TTLL7: variants seen among roughly 807,000 people sequenced by gnomAD.
TTLL7 encodes tubulin tyrosine ligase like 7, also known as tubulin polyglutamylase TTLL7.
TTLL7 carries 53 observed loss-of-function variants against 120.2 expected under a neutral mutation model. The ratio of observed to expected loss-of-function variants is 0.44; its 90% confidence interval spans 0.35 to 0.55. The LOEUF (loss-of-function observed/expected upper bound fraction) is 0.55, where lower values mean the gene tolerates loss of function less well. Ranked by LOEUF, TTLL7 falls within the 20% of genes least tolerant of loss-of-function variation. TTLL7 has a pLI of 0.00. For missense variants in TTLL7, 803 were observed against 1,054.7 expected, an observed-to-expected ratio of 0.76 and a Z score of 3.31; for synonymous variants, 353 against 351.7, an observed-to-expected ratio of 1.00 and a Z score of -0.04.
intron 14 of TTLL7, among the ~76,000 whole-genome samples, chr1:83,914,690 A>G (rs1657989379): frequency 6.6e-6 from 1 of 152,110 alleles, no homozygotes; most frequent in African/African-American, 2.4e-5. Context: ...TTCTAATAGC[A>G]CTACCTTTCT....
At chr1:83,889,177 G>A (rs879305954) in intron 19 of TTLL7, among the ~76,000 whole-genome samples, 6 of 151,940 alleles carry the variant, frequency 3.9e-5, no homozygotes, top group African/African-American at 9.7e-5. Flanking sequence ...TTCACATGGC[G>A]GCAGCAAGGA....
At chr1:83,991,531 C>G (rs1367307257) in intron 1 of TTLL7, among the ~76,000 whole-genome samples, 1 of 152,108 alleles carries the variant, frequency 6.6e-6, no homozygotes, top group Admixed American at 6.6e-5. Context: ...GTAGTCCCAG[C>G]TACTCAGGGG....
chr1:83,973,916 G>C (rs1651223421), intron 1 of TTLL7, among the ~76,000 whole-genome samples: 1 of 151,838 alleles, frequency 6.6e-6, no homozygotes, highest in Admixed American at 6.6e-5. Context: ...AGACTTCTGG[G>C]GTGCTGGAAA....
chr1:83,880,854 C>T (rs1654385884), intron 20 of TTLL7, among the ~76,000 whole-genome samples: 2 of 151,878 alleles, frequency 1.3e-5, no homozygotes, highest in African/African-American at 4.8e-5. Flanking sequence ...TACAAGGCTA[C>T]AGTAACCAAA....
chr1:83,947,252 G>A lies in TTLL7; in HGVS notation c.378C>T (p.Thr126=). Residue 126 remains threonine (T), a synonymous_variant, in exon 6 of 21, where the codon ACC becomes ACT. Transcript: ENST00000260505. ...GAAAGATCCAAGTTCGAGGAACAAA[G>A]GTATAATCCAGAGGCCGAGACTTGA... ...KMIKSRPLDY[T]FVPRTWIFPA... is the part of the protein sequence containing the mutation. The A allele has an allele frequency of 1.2e-6, 2 of 1,610,834 alleles. No individual in the cohort carries two copies. Among genetic ancestry groups the A allele is most frequent in the Non-Finnish European group, 1.7e-6 (2 of 1,179,100 alleles).
Position 83,999,040 on chromosome 1 carries a change from C to A in TTLL7, c.-286G>T. 2.2e-6 allele frequency: 1 copy of A among 448,446 alleles called. No individual in the cohort carries two copies. The highest frequency in any genetic ancestry group is 2.0e-5 in the African/African-American group (1 of 49,142). 27.8% of individuals were successfully genotyped at this position (448,446 alleles called of 1,614,324 possible). ...TGGGCGGCCGCCCCGACTCGGCAGC[C>A]TGCACTGGTGGTCCGGTGCTCTCCT... is the stretch of plus-strand genomic sequence containing the variant. On this transcript the variant is annotated 5_prime_UTR_variant, in exon 1 of 21. In the 5' UTR this introduces an upstream ATG that the reference lacks. Transcript: ENST00000260505.
At position 83,986,197 on chromosome 1, in the gene TTLL7, TTG is replaced by T. The variant is rs1557807992; in HGVS notation, c.-177+12732_-177+12733del. Among the ~76,000 whole-genome samples, 4 of 152,226 alleles carry T rather than the reference TTG, an allele frequency of 2.6e-5. No individual in the cohort carries two copies. The South Asian group carries it at 8.3e-4, about 31-fold the overall frequency. Reference sequence around the variant, plus strand: ...GAATCTAACAATATTTGTGGATATATTGTGTGTGTACCTAATGTGTGTATATG... The same window carrying T: ...GAATCTAACAATATTTGTGGATATATTGTGTGTACCTAATGTGTGTATATG... On this transcript the variant is annotated intron_variant, in intron 1 of 20. Coordinates refer to ENST00000260505, the MANE Select transcript of TTLL7 (RefSeq NM_024686.6).
intron 9 of TTLL7, among the ~76,000 whole-genome samples, chr1:83,933,137 G>T (rs967006962): frequency 2.6e-5 from 4 of 152,044 alleles, no homozygotes; most frequent in African/African-American, 9.7e-5. Context: ...GGCCTTAAAG[G>T]AGAAATTTAC....
chr1:83,880,386 C>T (rs1423770802), intron 20 of TTLL7: 1 of 151,822 alleles, frequency 6.6e-6, no homozygotes, highest in African/African-American at 2.4e-5. Context: ...CTAAGACAAA[C>T]AAAAATTTAA....
chr1:83,932,366 T>C (rs145043755), intron 9 of TTLL7, among the ~76,000 whole-genome samples: 3 of 152,116 alleles, frequency 2.0e-5, no homozygotes, highest in Admixed American at 6.6e-5. Flanking sequence ...CTTAGCAAGA[T>C]GAAGGGTCCA....
At chr1:83,920,413 AG>A (rs1342228136) in intron 12 of TTLL7, 1 of 152,634 alleles carries the variant, frequency 6.6e-6, no homozygotes, top group African/African-American at 2.4e-5. Context: ...TCTCTTTTGT[AG>A]TGGTGGAATT....
chr1:83,913,385 T>C (rs1430078341), intron 14 of TTLL7, among the ~76,000 whole-genome samples: 2 of 152,210 alleles, frequency 1.3e-5, no homozygotes, highest in African/African-American at 4.8e-5. Flanking sequence ...TAATACTTCA[T>C]GTGATATTTA....
intron 7 of TTLL7, among the ~76,000 whole-genome samples, chr1:83,940,349 C>A (rs1639026528): frequency 6.6e-6 from 1 of 152,180 alleles, no homozygotes; most frequent in Non-Finnish European, 1.5e-5. Flanking sequence ...AAATTATAAT[C>A]TATGTATTGA....
intron 19 of TTLL7, chr1:83,887,402 G>A (rs780468071): frequency 3.3e-5 from 8 of 244,898 alleles, no homozygotes; most frequent in Non-Finnish European, 4.9e-5. Flanking sequence ...CATTGAGAAG[G>A]CATGATTCAA....
intron 1 of TTLL7, among the ~76,000 whole-genome samples, chr1:83,966,507 A>C (rs1351186956): frequency 6.6e-6 from 1 of 152,106 alleles, no homozygotes; most frequent in Non-Finnish European, 1.5e-5. Context: ...AAAATACTCT[A>C]TGAGGCAAGA....
intron 18 of TTLL7, among the ~76,000 whole-genome samples, chr1:83,892,705 A>G (rs1485219473): frequency 7.1e-6 from 1 of 141,684 alleles, no homozygotes; most frequent in Admixed American, 6.9e-5. Context: ...CATATATATG[A>G]ACATATGAAC....
At chr1:83,938,048 C>T in intron 7 of TTLL7, 32 bp from the exon 8 acceptor site, 5 of 1,606,180 alleles carry the variant, frequency 3.1e-6, no homozygotes, top group East Asian at 2.2e-5. Context: ...GTTGTTACCA[C>T]CTATGACATC....
chr1:83,952,022 C>A (rs1381266340), intron 2 of TTLL7, 46 bp from the exon 3 acceptor site: 4 of 1,577,640 alleles, frequency 2.5e-6, no homozygotes, highest in Non-Finnish European at 2.6e-6. Context: ...AAACAAAAAT[C>A]TATACCAGAC....
chr1:83,965,949 A>C (rs1650422682), intron 1 of TTLL7, among the ~76,000 whole-genome samples: 1 of 152,100 alleles, frequency 6.6e-6, no homozygotes, highest in African/African-American at 2.4e-5. Flanking sequence ...TGGCAAATCA[A>C]GATTTGCTAT....
Sources: gnomAD v4.1 joint callset for allele counts (sites outside exome capture counted in the v4.1 genomes callset) on GRCh38, gnomAD v4.1.1 for gene constraint, MANE v1.5 for transcripts, NCBI Gene and HGNC (gene_info 2026-07-23, HGNC 2026-07-21) for gene names.